The following MYO1E variants were observed in gnomAD, a reference collection of about 807,000 sequenced individuals.
The protein encoded by MYO1E is myosin IE.
Under a neutral mutation model 151.1 loss-of-function variants are expected in MYO1E, and 68 were observed. That is an observed-to-expected ratio of 0.45 (90% CI 0.37 to 0.55). The LOEUF (loss-of-function observed/expected upper bound fraction) is 0.55, where lower values mean the gene tolerates loss of function less well. Ranked by LOEUF, MYO1E falls within the 20% of genes least tolerant of loss-of-function variation. The pLI, the probability that MYO1E is intolerant of heterozygous loss-of-function variation, is 0.00. For missense variants in MYO1E, 1,363 were observed against 1,389.3 expected (o/e 0.98, Z 0.30); for synonymous variants, 601 against 501.7 (o/e 1.20, Z -2.64).
Position 59,220,402 on chromosome 15 carries a change from T to C in MYO1E, c.911-2315A>G, listed in dbSNP as rs951103202. Among the ~76,000 whole-genome samples, 4 of 152,324 alleles carry C rather than the reference T, an allele frequency of 2.6e-5. No homozygotes were observed. The East Asian group carries it at 7.7e-4, about 29-fold the overall frequency. Reference sequence around the variant, plus strand: ...AGGTGGAGGTTGCAGTGAGCCGAGATAGCGCCACTGCGCTCCAGCCTGGGT... The same window carrying C: ...AGGTGGAGGTTGCAGTGAGCCGAGACAGCGCCACTGCGCTCCAGCCTGGGT... On this transcript the variant is annotated intron_variant, in intron 9 of 27. Coordinates refer to ENST00000288235, the MANE Select transcript of MYO1E (RefSeq NM_004998.4).
At position 59,306,227 on chromosome 15, in the gene MYO1E, G is replaced by A. The variant is rs1243465348; in HGVS notation, c.4-33778C>T. Among the ~76,000 whole-genome samples the A allele has an allele frequency of 4.6e-5, 7 of 152,148 alleles. No individual in the cohort carries two copies. In the East Asian group the frequency reaches 1.3e-3, roughly 29 times the overall value. ...GAATCCAAAATAAGGGAAAAAATCT[G>A]TTGTAGATTATTACATGTACATTAT... On this transcript the variant is annotated intron_variant, in intron 1 of 27. Transcript: ENST00000288235.
chr15:59,324,663 G>GCCCCCCCCC (rs10717159), intron 1 of MYO1E, among the ~76,000 whole-genome samples: 4 of 147,992 alleles, frequency 2.7e-5, no homozygotes, highest in African/African-American at 7.6e-5. Flanking sequence ...CCCATCCCAA[G>GCCCCCCCCC]CCCCCCCCCC....
intron 16 of MYO1E, 28 bp downstream of exon 16, chr15:59,202,298 T>G (rs1321398001): frequency 6.3e-7 from 1 of 1,596,298 alleles, no homozygotes; most frequent in Non-Finnish European, 8.6e-7. Flanking sequence ...CTTATAAGAA[T>G]CTATAAACTT....
At chr15:59,168,745 T>C (rs1160549114) in intron 22 of MYO1E, among the ~76,000 whole-genome samples, 1 of 152,056 alleles carries the variant, frequency 6.6e-6, no homozygotes, top group African/African-American at 2.4e-5. Flanking sequence ...CTCAGCTTCC[T>C]GAGTAGCTGG....
chr15:59,291,172 T>C (rs2080416476), intron 1 of MYO1E, among the ~76,000 whole-genome samples: 1 of 152,216 alleles, frequency 6.6e-6, no homozygotes, highest in Admixed American at 6.5e-5. Context: ...TGTACGATAC[T>C]CTGTTCCCAA....
intron 14 of MYO1E, chr15:59,207,006 A>C: frequency 6.2e-7 from 1 of 1,613,768 alleles, no homozygotes; most frequent in South Asian, 1.1e-5. Flanking sequence ...CGAATTTCCT[A>C]TGCCTGGGGA....
intron 16 of MYO1E, among the ~76,000 whole-genome samples, chr15:59,196,907 T>A (rs752476624): frequency 2.0e-5 from 3 of 151,730 alleles, no homozygotes; most frequent in Non-Finnish European, 2.9e-5. Context: ...ATAGCACAGC[T>A]TTTTTTTGTT....
chr15:59,337,747 G>A (rs1055389230), intron 1 of MYO1E, among the ~76,000 whole-genome samples: 2 of 152,108 alleles, frequency 1.3e-5, no homozygotes, highest in East Asian at 1.9e-4. Flanking sequence ...CAGGAGAATC[G>A]CTTGAACCCA....
rs1350571358 is a variant in MYO1E at position 59,224,721 on chromosome 15, T to C, written c.745A>G (p.Ile249Val). 6.2e-7 allele frequency: 1 copy of C among 1,614,252 alleles called. No individual in the cohort carries two copies. Among genetic ancestry groups the C allele is most frequent in the Middle Eastern group, 1.6e-4 (1 of 6,062 alleles). ...SLSGSYKVDD[I>V]DDRREFQETL... Reference sequence around the variant, plus strand: ...TCCTGAAACTCCCGCCTGTCGTCAATGTCATCAACCTTGTATGAGCCCGAG... The same window carrying C: ...TCCTGAAACTCCCGCCTGTCGTCAACGTCATCAACCTTGTATGAGCCCGAG... Residue 249 changes from isoleucine to valine, a missense_variant, in exon 8 of 28, where the codon ATT becomes GTT. Ile to Val is a conservative substitution (Grantham distance 29). Transcript: ENST00000288235.
At chr15:59,347,812 T>C (rs958826142) in intron 1 of MYO1E, among the ~76,000 whole-genome samples, 2 of 152,116 alleles carry the variant, frequency 1.3e-5, no homozygotes, top group Non-Finnish European at 2.9e-5. Context: ...ACCAGAAAAG[T>C]AAATTTCGGG....
intron 4 of MYO1E, among the ~76,000 whole-genome samples, chr15:59,251,687 C>T (rs2080165827): frequency 6.6e-6 from 1 of 152,140 alleles, no homozygotes; most frequent in Non-Finnish European, 1.5e-5. Flanking sequence ...ATGTATTTAC[C>T]TTGAAATGCT....
At chr15:59,187,935 G>A (rs1037311135) in intron 18 of MYO1E, among the ~76,000 whole-genome samples, 183 bp downstream of exon 18, 7 of 152,210 alleles carry the variant, frequency 4.6e-5, no homozygotes, top group African/African-American at 9.6e-5. Flanking sequence ...TGACAACAAA[G>A]GGAAGCGTGA....
chr15:59,137,638 C>T (rs1249844054), intron 27 of MYO1E, among the ~76,000 whole-genome samples, 182 bp from the exon 28 acceptor site: 2 of 152,230 alleles, frequency 1.3e-5, no homozygotes, highest in Non-Finnish European at 2.9e-5. Context: ...AAGCACTCAG[C>T]CAAGCCCATG....
intron 4 of MYO1E, among the ~76,000 whole-genome samples, chr15:59,251,392 A>T (rs2080164287): frequency 6.6e-6 from 1 of 152,256 alleles, no homozygotes; most frequent in African/African-American, 2.4e-5. Context: ...CATGAAAAAA[A>T]ACAGCAGTAA....
chr15:59,191,384 C>A (rs1036384769), intron 17 of MYO1E, among the ~76,000 whole-genome samples: 5 of 137,002 alleles, frequency 3.6e-5, no homozygotes, highest in Admixed American at 7.0e-5. Context: ...AATGTCATGT[C>A]AATTAAAAAG....
At chr15:59,195,181 G>T (rs1052500254) in intron 17 of MYO1E, among the ~76,000 whole-genome samples, 4 of 152,138 alleles carry the variant, frequency 2.6e-5, no homozygotes, top group Non-Finnish European at 5.9e-5. Flanking sequence ...ATGACTCTGC[G>T]GTATGAGGTT....
chr15:59,348,735 G>C (rs964014054), intron 1 of MYO1E: 1 of 151,984 alleles, frequency 6.6e-6, no homozygotes, highest in Non-Finnish European at 1.5e-5. Flanking sequence ...AGGTTCAAGT[G>C]ATTCTCCTGC....
At chr15:59,356,887 TTTTG>T (rs753342193) in intron 1 of MYO1E, among the ~76,000 whole-genome samples, 22,807 of 149,222 alleles carry the variant, frequency 0.15, 1,960 homozygotes, top group East Asian at 0.28. Context: ...AAGTTTTTTT[TTTTG>T]TTTGTTTGTT....
intron 18 of MYO1E, among the ~76,000 whole-genome samples, chr15:59,179,498 G>A (rs28662125): frequency 0.02 from 2,982 of 152,192 alleles, 92 homozygotes; most frequent in African/African-American, 0.068. Flanking sequence ...TGGCTAATGC[G>A]GATGGGTGCT....
Sources: allele counts gnomAD v4.1 joint callset (sites outside exome capture counted in the v4.1 genomes callset), GRCh38; gene constraint gnomAD v4.1.1; transcripts MANE v1.5; gene names NCBI Gene and HGNC (gene_info 2026-07-23, HGNC 2026-07-21).